LARP4B: variants seen among roughly 807,000 people sequenced by gnomAD.
LARP4B encodes La ribonucleoprotein 4B.
LARP4B carries 12 observed loss-of-function variants against 89.8 expected under a neutral mutation model. The observed-to-expected ratio is 0.13, with a 90% CI of 0.09 to 0.22. LARP4B has a LOEUF of 0.22. Among genes scored for constraint, LARP4B ranks in the 10% least tolerant of loss-of-function variants. LARP4B has a pLI of 1.00. For missense variants in LARP4B, 757 were observed against 947.7 expected (o/e 0.80, Z 2.64); for synonymous variants, 367 against 363.3 (o/e 1.01, Z -0.12).
chr10:900,616 T>C (rs1313745586), intron 1 of LARP4B, among the ~76,000 whole-genome samples: 1 of 143,170 alleles, frequency 7.0e-6, no homozygotes, highest in Non-Finnish European at 1.5e-5. Context: ...AGGATATATT[T>C]CCTTTTTTTT....
At chr10:967,062 C>T in the LARP4B span, among the ~76,000 whole-genome samples, 8 of 152,172 alleles carry the variant, frequency 5.3e-5, no homozygotes, top group African/African-American at 9.7e-5. Context: ...AAGGGGTCTC[C>T]GATGAGGCCT....
At chr10:862,753 G>T (rs7088956) in intron 5 of LARP4B, among the ~76,000 whole-genome samples, 1 of 150,814 alleles carries the variant, frequency 6.6e-6, no homozygotes. Context: ...GTGAGACTCC[G>T]TCTCAAAAAA....
Position 822,127 on chromosome 10 carries a change from C to A in LARP4B, c.1485-1282G>T, listed in dbSNP as rs139149310. Among the ~76,000 whole-genome samples, 1 of 152,224 alleles carries A rather than the reference C, an allele frequency of 6.6e-6. No individual in the cohort carries two copies. Among genetic ancestry groups the A allele is most frequent in the Non-Finnish European group, 1.5e-5 (1 of 68,044 alleles). On this transcript the variant is annotated intron_variant, in intron 13 of 17. Coordinates refer to ENST00000316157, the MANE Select transcript of LARP4B (RefSeq NM_015155.3). The surrounding 1 kb of genome is among the most constrained non-coding windows in gnomAD (Gnocchi z 4.6). ...AGGGAGCTGAACTCCTACTCCGCTGCGCCAGGATTCAGAAGTAGTGGAAAG... is the reference window on the plus strand; with the variant it reads ...AGGGAGCTGAACTCCTACTCCGCTGAGCCAGGATTCAGAAGTAGTGGAAAG...
chr10:877,514 C>T (rs543538744), intron 3 of LARP4B, among the ~76,000 whole-genome samples: 6 of 152,344 alleles, frequency 3.9e-5, no homozygotes, highest in African/African-American at 1.4e-4. Context: ...TGAGTTTGGA[C>T]TCTGAAGCCA....
chr10:970,499 G>T, the LARP4B span, among the ~76,000 whole-genome samples: 1 of 139,208 alleles, frequency 7.2e-6, no homozygotes, highest in African/African-American at 3.4e-5. Context: ...ACTGGACTGA[G>T]TCTCTAAGAG....
At chr10:964,093 G>A in the LARP4B span, among the ~76,000 whole-genome samples, 31,825 of 152,130 alleles carry the variant, frequency 0.21, 3,365 homozygotes, top group East Asian at 0.28. Flanking sequence ...TTGAGACAGA[G>A]TCTCGCTCTG....
At chr10:931,882 T>C (rs1373285405), upstream of LARP4B, among the ~76,000 whole-genome samples, 1 of 150,480 alleles carries the variant, frequency 6.6e-6, no homozygotes, top group East Asian at 1.9e-4. Flanking sequence ...CCCGCCGCCT[T>C]CTTGGCCTCT....
the LARP4B span, among the ~76,000 whole-genome samples, chr10:979,882 A>G: frequency 6.6e-6 from 1 of 152,140 alleles, no homozygotes; most frequent in Non-Finnish European, 1.5e-5. Flanking sequence ...GAGGCAGGAG[A>G]ATGGTGTGAA....
chr10:905,758 C>A (rs945471269), intron 1 of LARP4B, among the ~76,000 whole-genome samples: 13 of 152,160 alleles, frequency 8.5e-5, no homozygotes, highest in African/African-American at 2.9e-4. Context: ...GTCCTCCTGG[C>A]CTCCTGCTGA....
upstream of LARP4B, among the ~76,000 whole-genome samples, chr10:936,671 G>A (rs1399413461): frequency 2.0e-5 from 3 of 152,104 alleles, no homozygotes; most frequent in East Asian, 3.9e-4. Context: ...TGCAGTGAGC[G>A]AGATCGTGCC....
At chr10:909,871 A>T (rs1836620228) in intron 1 of LARP4B, among the ~76,000 whole-genome samples, 1 of 152,076 alleles carries the variant, frequency 6.6e-6, no homozygotes, top group African/African-American at 2.4e-5. Flanking sequence ...CCTAAGACAT[A>T]GCAGTACCAT....
chr10:950,058 G>A, the LARP4B span, among the ~76,000 whole-genome samples: 2 of 152,246 alleles, frequency 1.3e-5, no homozygotes, highest in East Asian at 1.9e-4. Flanking sequence ...TTACAGGCGT[G>A]AGCCACTGTG....
chr10:860,205 AAC>A (rs553044736), intron 5 of LARP4B, among the ~76,000 whole-genome samples: 6 of 152,148 alleles, frequency 3.9e-5, no homozygotes, highest in Admixed American at 2.0e-4. Flanking sequence ...CTCTAAAAAA[AAC>A]AGTCTTTTTT....
chr10:937,407 C>T, the LARP4B span, among the ~76,000 whole-genome samples: 1 of 152,114 alleles, frequency 6.6e-6, no homozygotes, highest in African/African-American at 2.4e-5. Flanking sequence ...CAAATGAATG[C>T]TAAAATCATT....
chr10:895,828 G>A (rs1009651354), intron 1 of LARP4B, among the ~76,000 whole-genome samples: 41 of 152,168 alleles, frequency 2.7e-4, no homozygotes, highest in African/African-American at 9.6e-4. Context: ...TTATAAGTAC[G>A]TAAAAACAAG....
At chr10:908,882 G>A (rs1453119161) in intron 1 of LARP4B, among the ~76,000 whole-genome samples, 3 of 152,176 alleles carry the variant, frequency 2.0e-5, no homozygotes, top group African/African-American at 7.2e-5. Context: ...CCCTTGCCAG[G>A]TGGTGAGGGG....
intron 5 of LARP4B, among the ~76,000 whole-genome samples, chr10:857,465 C>G (rs1318391003): frequency 6.6e-6 from 1 of 152,150 alleles, no homozygotes; most frequent in Non-Finnish European, 1.5e-5. Flanking sequence ...ATGAAGGCCT[C>G]AGAAACAAAA....
chr10:958,179 C>T, the LARP4B span, among the ~76,000 whole-genome samples: 4 of 152,262 alleles, frequency 2.6e-5, no homozygotes, highest in Middle Eastern at 3.4e-3. Flanking sequence ...AACATCCACC[C>T]GGTGCTCCCC....
At chr10:908,643 G>A (rs149148587) in intron 1 of LARP4B, among the ~76,000 whole-genome samples, 50 of 152,366 alleles carry the variant, frequency 3.3e-4, no homozygotes, top group African/African-American at 9.4e-4. Context: ...AGAAATCCCC[G>A]CACATTTCTT....
Sources: allele counts gnomAD v4.1 joint callset (sites outside exome capture counted in the v4.1 genomes callset), GRCh38; gene constraint gnomAD v4.1.1; non-coding constraint Gnocchi (gnomAD v3.1); transcripts MANE v1.5; gene names NCBI Gene and HGNC (gene_info 2026-07-23, HGNC 2026-07-21).